SMAD9: variants seen among roughly 807,000 people sequenced by gnomAD.
SMAD9 encodes MAD homolog 9.
A neutral mutation model predicts 46.1 loss-of-function variants in SMAD9; 36 were observed. That is an observed-to-expected ratio of 0.78 (90% CI 0.60 to 1.03). SMAD9 has a LOEUF of 1.03. Among genes scored for constraint, SMAD9 ranks in the 50% least tolerant of loss-of-function variants. The pLI, the probability that SMAD9 is intolerant of heterozygous loss-of-function variation, is 0.00. For missense variants in SMAD9, 572 were observed against 599.8 expected (o/e 0.95, Z 0.48); for synonymous variants, 245 against 237.1 (o/e 1.03, Z -0.31).
intron 1 of SMAD9, among the ~76,000 whole-genome samples, chr13:36,914,185 C>T (rs892352707): frequency 6.6e-6 from 1 of 152,158 alleles, no homozygotes; most frequent in African/African-American, 2.4e-5. Flanking sequence ...CACTTAGGTG[C>T]CTCAAACTTC....
intron 1 of SMAD9, among the ~76,000 whole-genome samples, chr13:36,895,754 C>T (rs559681814): frequency 2.6e-5 from 4 of 151,084 alleles, no homozygotes; most frequent in South Asian, 4.2e-4. Context: ...AAATTCAGTG[C>T]TTTTTTTTTA....
intron 6 of SMAD9, chr13:36,852,484 G>A: frequency 1.0e-6 from 1 of 985,358 alleles, no homozygotes; most frequent in Non-Finnish European, 1.2e-6. Flanking sequence ...TTCCCACTAA[G>A]AAACTTCCTT....
At chr13:36,895,417 T>G (rs1486686359) in intron 1 of SMAD9, among the ~76,000 whole-genome samples, 2 of 152,164 alleles carry the variant, frequency 1.3e-5, no homozygotes, top group African/African-American at 4.8e-5. Flanking sequence ...GGAGGGGCTG[T>G]CCTGTGCGTT....
At chr13:36,884,156 G>A (rs1251588008) in intron 1 of SMAD9, among the ~76,000 whole-genome samples, 1 of 152,170 alleles carries the variant, frequency 6.6e-6, no homozygotes, top group Admixed American at 6.5e-5. Flanking sequence ...TATCAAACTG[G>A]CCCTGTTAAT....
At chr13:36,899,707 G>T (rs1296463901) in intron 1 of SMAD9, among the ~76,000 whole-genome samples, 1 of 152,206 alleles carries the variant, frequency 6.6e-6, no homozygotes, top group Non-Finnish European at 1.5e-5. Flanking sequence ...CAAAGAAGAG[G>T]CTGAACTGAA....
intron 5 of SMAD9, among the ~76,000 whole-genome samples, chr13:36,865,335 A>G (rs1168999419): frequency 6.6e-6 from 1 of 152,142 alleles, no homozygotes. Flanking sequence ...GCATGATGAC[A>G]TTAGAGGAAG....
chr13:36,877,159 C>T (rs777418469), intron 2 of SMAD9, among the ~76,000 whole-genome samples: 2 of 152,024 alleles, frequency 1.3e-5, no homozygotes, highest in Admixed American at 1.3e-4. Flanking sequence ...GTCAAGAGAT[C>T]GAGACCATCC....
At chr13:36,865,344 A>C (rs1394175923) in intron 5 of SMAD9, among the ~76,000 whole-genome samples, 193 bp downstream of exon 5, 1 of 152,156 alleles carries the variant, frequency 6.6e-6, no homozygotes, top group Non-Finnish European at 1.5e-5. Context: ...CATTAGAGGA[A>C]GAGGGACTAA....
intron 1 of SMAD9, among the ~76,000 whole-genome samples, chr13:36,905,774 C>CAAAAAAAAAAAAAA (rs60358673): frequency 2.3e-4 from 15 of 66,462 alleles, no homozygotes; most frequent in East Asian, 3.8e-4. Context: ...GACCCTGTCT[C>CAAAAAAAAAAAAAA]AAAAAAAAAA....
intron 5 of SMAD9, among the ~76,000 whole-genome samples, chr13:36,860,919 G>C (rs1376310366): frequency 3.9e-5 from 6 of 152,142 alleles, no homozygotes; most frequent in Admixed American, 3.3e-4. Context: ...GGCTGCCCAA[G>C]GTATTGCCTT....
At chr13:36,879,203 C>A in intron 2 of SMAD9, 75 bp downstream of exon 2, 1 of 1,259,058 alleles carries the variant, frequency 7.9e-7, no homozygotes. Context: ...TCTGCTGGTG[C>A]CCCATCATTC....
At position 36,920,003 on chromosome 13, in the gene SMAD9, C is replaced by A. The variant is rs539811091; in HGVS notation, c.-187+113G>T. On this transcript the variant is annotated intron_variant, in intron 1 of 6. Transcript: ENST00000379826. ...AAGCAGCGCGCGGCCGAGGAGGGCACGTCTTACCTGTCCCCGCCGTGCCAC... is the reference window on the plus strand; with the variant it reads ...AAGCAGCGCGCGGCCGAGGAGGGCAAGTCTTACCTGTCCCCGCCGTGCCAC... The A allele has an allele frequency of 9.4e-3, 1,416 of 150,482 alleles. 6 individuals carry two copies. The highest frequency in any genetic ancestry group is 0.014 in the Non-Finnish European group (957 of 67,130). The allele number at this position is 150,482 out of a possible 1,614,324, so 9.3% of individuals were successfully genotyped here. A position where few individuals can be genotyped will look rare whatever the true frequency, so the allele number is the denominator to read the frequency against.
intron 1 of SMAD9, among the ~76,000 whole-genome samples, chr13:36,881,614 G>A (rs2058403387): frequency 6.6e-6 from 1 of 152,242 alleles, no homozygotes; most frequent in South Asian, 2.1e-4. Flanking sequence ...GCATTGTACA[G>A]AGATAAACTA....
chr13:36,907,085 A>G (rs1028180426), intron 1 of SMAD9, among the ~76,000 whole-genome samples: 15 of 152,344 alleles, frequency 9.8e-5, no homozygotes, highest in Admixed American at 2.0e-4. Flanking sequence ...CACTTGCTAC[A>G]ATGTGGATGA....
chr13:36,916,349 G>C (rs2058698637), intron 1 of SMAD9, among the ~76,000 whole-genome samples: 8 of 152,166 alleles, frequency 5.3e-5, no homozygotes, highest in Admixed American at 5.2e-4. Context: ...AACTGCTAAT[G>C]CAATAAGAGT....
At chr13:36,863,545 TCGAAA>T (rs1215242218) in intron 5 of SMAD9, among the ~76,000 whole-genome samples, 2 of 152,156 alleles carry the variant, frequency 1.3e-5, no homozygotes, top group Non-Finnish European at 2.9e-5. Context: ...AAATCTCATA[TCGAAA>T]TCTGATTCTC....
chr13:36,913,919 A>G (rs2058679658), intron 1 of SMAD9, among the ~76,000 whole-genome samples: 1 of 152,202 alleles, frequency 6.6e-6, no homozygotes, highest in Non-Finnish European at 1.5e-5. Flanking sequence ...GTCATTAATA[A>G]TAATCACCCA....
chr13:36,869,745 C>T (rs2058271864), intron 3 of SMAD9, among the ~76,000 whole-genome samples: 1 of 151,814 alleles, frequency 6.6e-6, no homozygotes, highest in African/African-American at 2.4e-5. Context: ...AGGAGAATGG[C>T]TTGTACCTGG....
chr13:36,903,273 C>T (rs2058593003), intron 1 of SMAD9, among the ~76,000 whole-genome samples: 2 of 151,894 alleles, frequency 1.3e-5, no homozygotes, highest in South Asian at 2.1e-4. Context: ...ATTACGGGCA[C>T]GCGCCACCAC....
Sources: gnomAD v4.1 joint callset for allele counts (sites outside exome capture counted in the v4.1 genomes callset) on GRCh38, gnomAD v4.1.1 for gene constraint, MANE v1.5 for transcripts, NCBI Gene and HGNC (gene_info 2026-07-23, HGNC 2026-07-21) for gene names.